Variants in AGMO observed in about 807,000 individuals in gnomAD.
AGMO encodes alkylglycerol monooxygenase, also known as glyceryl-ether monooxygenase.
In AGMO, 75 loss-of-function variants were observed where a neutral mutation model predicts 60.2. That is an observed-to-expected ratio of 1.25 (90% CI 1.03 to 1.51). The LOEUF (loss-of-function observed/expected upper bound fraction) is 1.51. Among genes scored for constraint, AGMO ranks in the 40% most tolerant of loss-of-function variants. The probability of loss-of-function intolerance (pLI) is 0.00; values close to 1 mark genes in which losing one functional copy is unlikely to be tolerated. For synonymous variants in AGMO, 261 were observed against 177.1 expected, an observed-to-expected ratio of 1.47 and a Z score of -3.76; for missense variants, 763 against 525.5, an observed-to-expected ratio of 1.45 and a Z score of -4.42.
At chr7:15,433,738 TTC>T (rs1781321597) in intron 3 of AGMO, among the ~76,000 whole-genome samples, 1 of 150,212 alleles carries the variant, frequency 6.7e-6, no homozygotes, top group East Asian at 1.9e-4. Context: ...AATAACATTT[TTC>T]TTTTTCTATA....
At chr7:15,337,992 A>G (rs1358523450) in intron 12 of AGMO, among the ~76,000 whole-genome samples, 1 of 152,206 alleles carries the variant, frequency 6.6e-6, no homozygotes, top group Non-Finnish European at 1.5e-5. Context: ...GACTTTGGAC[A>G]GCTCCAGGGA....
downstream of AGMO, among the ~76,000 whole-genome samples, chr7:15,198,080 T>C (rs2115459479): frequency 6.6e-6 from 1 of 152,264 alleles, no homozygotes; most frequent in South Asian, 2.1e-4. Context: ...CTTTCCTCTA[T>C]CTTTTCTTAT....
intron 12 of AGMO, among the ~76,000 whole-genome samples, chr7:15,321,998 A>G (rs1273881593): frequency 6.6e-6 from 1 of 151,912 alleles, no homozygotes; most frequent in African/African-American, 2.4e-5. Context: ...TAAGGAAAAG[A>G]GGTTAGGCTT....
the AGMO span, among the ~76,000 whole-genome samples, chr7:15,125,670 G>A: frequency 6.6e-6 from 1 of 151,740 alleles, no homozygotes. Flanking sequence ...GAGGCCTTAA[G>A]TAAACTAGCC....
chr7:15,394,873 A>G (rs1784306550), intron 5 of AGMO, among the ~76,000 whole-genome samples: 1 of 152,214 alleles, frequency 6.6e-6, no homozygotes, highest in Admixed American at 6.5e-5. Context: ...AGTCAAATAT[A>G]TAAAAAGGCC....
At chr7:15,183,562 A>C in the AGMO span, among the ~76,000 whole-genome samples, 1 of 152,188 alleles carries the variant, frequency 6.6e-6, no homozygotes, top group African/African-American at 2.4e-5. Context: ...AAGATTCTAG[A>C]GTCAACACTT....
intron 4 of AGMO, among the ~76,000 whole-genome samples, chr7:15,425,514 A>T (rs1161189613): frequency 6.6e-6 from 1 of 151,424 alleles, no homozygotes; most frequent in Non-Finnish European, 1.5e-5. Flanking sequence ...GAATAACTGT[A>T]GCCTCAACCT....
chr7:15,279,878 C>G (rs1583357973), intron 12 of AGMO, among the ~76,000 whole-genome samples: 1 of 152,180 alleles, frequency 6.6e-6, no homozygotes, highest in Non-Finnish European at 1.5e-5. Flanking sequence ...AAGGAAGAAG[C>G]AACAGTAGGG....
intron 12 of AGMO, among the ~76,000 whole-genome samples, chr7:15,247,451 CA>C (rs1782776925): frequency 8.4e-6 from 1 of 119,620 alleles, no homozygotes; most frequent in Non-Finnish European, 1.7e-5. Context: ...CACACACACA[CA>C]CACACACAGA....
chr7:15,383,476 C>T (rs1386534766), intron 10 of AGMO, among the ~76,000 whole-genome samples: 1 of 146,676 alleles, frequency 6.8e-6, no homozygotes, highest in Non-Finnish European at 1.5e-5. Flanking sequence ...CTGCTCAGGA[C>T]CTATTTCAAG....
chr7:15,178,706 C>A, the AGMO span, among the ~76,000 whole-genome samples: 1 of 152,094 alleles, frequency 6.6e-6, no homozygotes, highest in Non-Finnish European at 1.5e-5. Context: ...TAACATTTTG[C>A]AAGTAGTAAA....
At chr7:15,268,985 G>A (rs1238349812) in intron 12 of AGMO, among the ~76,000 whole-genome samples, 1 of 152,030 alleles carries the variant, frequency 6.6e-6, no homozygotes, top group Non-Finnish European at 1.5e-5. Context: ...CATGGTGGTG[G>A]ATCGTTTTAC....
At chr7:15,394,550 G>A (rs1046979197) in intron 5 of AGMO, among the ~76,000 whole-genome samples, 5 of 152,108 alleles carry the variant, frequency 3.3e-5, no homozygotes, top group African/African-American at 4.8e-5. Context: ...GTTGTTCTGA[G>A]GATTATGAAT....
intron 10 of AGMO, among the ~76,000 whole-genome samples, chr7:15,371,129 G>C (rs1761834652): frequency 6.6e-6 from 1 of 152,114 alleles, no homozygotes; most frequent in Non-Finnish European, 1.5e-5. Context: ...ATTGATTAAA[G>C]ATTTGAACCT....
chr7:15,537,606 A>G (rs1007404808), intron 3 of AGMO, among the ~76,000 whole-genome samples: 8 of 152,098 alleles, frequency 5.3e-5, no homozygotes, highest in Non-Finnish European at 1.2e-4. Flanking sequence ...TATACTTTAC[A>G]ATCAATGTTC....
At position 15,270,596 on chromosome 7, in the gene AGMO, A is replaced by ATTTT. The variant is rs527463907; in HGVS notation, c.1264-69241_1264-69238dup. Among the ~76,000 whole-genome samples, 77 of 48,040 alleles carry ATTTT rather than the reference A, an allele frequency of 1.6e-3. 5 individuals carry two copies. Among genetic ancestry groups the ATTTT allele is most frequent in the Non-Finnish European group, 1.9e-3 (50 of 25,756 alleles). 31.5% of individuals were successfully genotyped at this position (48,040 alleles called of 152,430 possible). A position where few individuals can be genotyped will look rare whatever the true frequency, so the allele number is the denominator to read the frequency against. On this transcript the variant is annotated intron_variant, in intron 12 of 12. Transcript: ENST00000342526. ...ATTAAACAAATTTAATCTGTTGATA[A>ATTTT]TTTTTTTTTTTTTTTTTTTTTTTTT...
rs149417033 is a variant in AGMO at position 15,528,809 on chromosome 7, C to T, written c.409+15963G>A. 2.0e-3 allele frequency among the ~76,000 whole-genome samples: 297 copies of T among 152,222 alleles called. 1 individual carries two copies. The highest frequency in any genetic ancestry group is 6.9e-3 in the African/African-American group (288 of 41,536). On this transcript the variant is annotated intron_variant, in intron 3 of 12. Coordinates refer to ENST00000342526, the MANE Select transcript of AGMO (RefSeq NM_001004320.2). The stretch of plus-strand genomic sequence containing the variant: ...GATTACAGGCATGCGCCACCACACC[C>T]GGCTAATTTTGTATTTTTATTGGAG...
chr7:15,474,474 C>T lies in AGMO; in HGVS notation c.410-43366G>A, dbSNP rs191257025. 1.6e-3 allele frequency among the ~76,000 whole-genome samples: 245 copies of T among 152,054 alleles called. 2 individuals are homozygous for T. Among genetic ancestry groups the T allele is most frequent in the Non-Finnish European group, 2.5e-3 (167 of 67,948 alleles). On this transcript the variant is annotated intron_variant, in intron 3 of 12. Transcript: ENST00000342526. ...AGATTCCCTATTTAATAACTGGTGTCGGAAAAACTGGATAGCGATATGCAG... is the reference window on the plus strand; with the variant it reads ...AGATTCCCTATTTAATAACTGGTGTTGGAAAAACTGGATAGCGATATGCAG...
At chr7:15,533,334 ATAT>A (rs1784413748) in intron 3 of AGMO, among the ~76,000 whole-genome samples, 1 of 151,962 alleles carries the variant, frequency 6.6e-6, no homozygotes, top group African/African-American at 2.4e-5. Context: ...TTTTCTTATG[ATAT>A]TTATTTAGTC....
Sources: allele counts gnomAD v4.1 joint callset (sites outside exome capture counted in the v4.1 genomes callset), GRCh38; gene constraint gnomAD v4.1.1; transcripts MANE v1.5; gene names NCBI Gene and HGNC (gene_info 2026-07-23, HGNC 2026-07-21).